The following COG6 variants were observed in gnomAD, a reference collection of about 807,000 sequenced individuals.
COG6 encodes the protein component of oligomeric golgi complex 6.
A neutral mutation model predicts 88.8 loss-of-function variants in COG6; 74 were observed. The ratio of observed to expected loss-of-function variants is 0.83; its 90% CI spans 0.69 to 1.01. The LOEUF (loss-of-function observed/expected upper bound fraction) is 1.01. COG6 is among the 50% of genes least tolerant of loss of function. The pLI, the probability that COG6 is intolerant of heterozygous loss-of-function variation, is 0.00. For missense variants in COG6, 800 were observed against 797.9 expected (o/e 1.00, Z -0.03); for synonymous variants, 286 against 278.7 (o/e 1.03, Z -0.26).
intron 7 of COG6, among the ~76,000 whole-genome samples, chr13:39,680,824 T>C (rs1329602864): frequency 6.6e-6 from 1 of 152,216 alleles, no homozygotes; most frequent in Non-Finnish European, 1.5e-5. Context: ...CTCATATCTC[T>C]AACTTTTCTG....
intron 4 of COG6, among the ~76,000 whole-genome samples, chr13:39,677,038 A>G (rs1876012414): frequency 6.6e-6 from 1 of 152,218 alleles, no homozygotes; most frequent in African/African-American, 2.4e-5. Context: ...GATTTTTGAT[A>G]TGTACGTCAT....
intron 15 of COG6, 47 bp downstream of exon 15, chr13:39,719,874 C>T: frequency 6.9e-7 from 1 of 1,443,760 alleles, no homozygotes. Flanking sequence ...GAATCTTTTT[C>T]TCTATGTGAT....
chr13:39,785,039 G>A (rs1442945058), intron 18 of COG6, among the ~76,000 whole-genome samples: 2 of 152,200 alleles, frequency 1.3e-5, no homozygotes, highest in Non-Finnish European at 2.9e-5. Flanking sequence ...CTTGATCATG[G>A]CCAACCGCAA....
At chr13:39,735,704 TC>T (rs1396753735) in intron 18 of COG6, among the ~76,000 whole-genome samples, 1 of 134,762 alleles carries the variant, frequency 7.4e-6, no homozygotes, top group Non-Finnish European at 1.6e-5. Flanking sequence ...GTTGATGAAG[TC>T]CTTTTTTTTT....
At chr13:39,746,009 C>G (rs1306505037) in intron 18 of COG6, among the ~76,000 whole-genome samples, 2 of 152,060 alleles carry the variant, frequency 1.3e-5, no homozygotes, top group Admixed American at 6.6e-5. Flanking sequence ...CACGTGTTCT[C>G]ACTCATAGGT....
intron 18 of COG6, among the ~76,000 whole-genome samples, chr13:39,779,357 T>C (rs1881560294): frequency 6.6e-6 from 1 of 152,184 alleles, no homozygotes; most frequent in Non-Finnish European, 1.5e-5. Flanking sequence ...GTCACGTGTG[T>C]CTCTTAAATC....
intron 18 of COG6, among the ~76,000 whole-genome samples, chr13:39,777,271 G>C (rs1012316334): frequency 3.3e-5 from 5 of 152,096 alleles, no homozygotes; most frequent in African/African-American, 1.2e-4. Flanking sequence ...GGAGCACAGA[G>C]GGGGGTGTCC....
chr13:39,692,382 A>G (rs1877030641), intron 11 of COG6, among the ~76,000 whole-genome samples: 1 of 151,984 alleles, frequency 6.6e-6, no homozygotes, highest in Non-Finnish European at 1.5e-5. Context: ...CTTTTAATAA[A>G]AACTTTAGTG....
At chr13:39,732,069 G>A (rs922781789) in intron 18 of COG6, among the ~76,000 whole-genome samples, 3 of 152,050 alleles carry the variant, frequency 2.0e-5, no homozygotes, top group African/African-American at 4.8e-5. Flanking sequence ...GATGGAGCCC[G>A]CCCCATTGAC....
At chr13:39,680,257 C>T (rs537232074) in intron 7 of COG6, among the ~76,000 whole-genome samples, 1 of 152,128 alleles carries the variant, frequency 6.6e-6, no homozygotes, top group African/African-American at 2.4e-5. Flanking sequence ...GAAAAACAAA[C>T]TTCACATTTG....
intron 13 of COG6, among the ~76,000 whole-genome samples, chr13:39,716,180 G>A (rs1013334063): frequency 3.9e-4 from 60 of 151,900 alleles, no homozygotes; most frequent in African/African-American, 1.4e-3. Flanking sequence ...TTTGTTGGGT[G>A]CATATATGTT....
At chr13:39,679,446 G>A (rs1253594223) in intron 5 of COG6, 92 bp from the exon 6 acceptor site, 2 of 766,650 alleles carry the variant, frequency 2.6e-6, no homozygotes, top group Non-Finnish European at 4.8e-6. Context: ...ATAGGTGAAA[G>A]AGTTTGTTTG....
intron 3 of COG6, among the ~76,000 whole-genome samples, chr13:39,662,370 A>G (rs1874957854): frequency 2.0e-5 from 3 of 151,750 alleles, no homozygotes; most frequent in Non-Finnish European, 4.4e-5. Flanking sequence ...CAAGTGATTC[A>G]CCTACCTCGG....
At chr13:39,657,966 T>C (rs1429849674) in intron 1 of COG6, among the ~76,000 whole-genome samples, 1 of 152,122 alleles carries the variant, frequency 6.6e-6, no homozygotes. Context: ...TGGGCGGAAC[T>C]CTTGATTTTT....
intron 18 of COG6, among the ~76,000 whole-genome samples, chr13:39,783,263 T>C (rs1269500041): frequency 1.3e-5 from 2 of 152,208 alleles, no homozygotes; most frequent in Non-Finnish European, 2.9e-5. Flanking sequence ...CTATGCCCTT[T>C]GTTAGGAAAT....
At chr13:39,668,217 CTG>C (rs1165441807) in intron 4 of COG6, among the ~76,000 whole-genome samples, 1 of 152,102 alleles carries the variant, frequency 6.6e-6, no homozygotes, top group Non-Finnish European at 1.5e-5. Flanking sequence ...AAGTAAGCAA[CTG>C]TGTTTTTTTG....
At chr13:39,719,910 T>C (rs1878759186) in intron 15 of COG6, 83 bp downstream of exon 15, 1 of 1,076,544 alleles carries the variant, frequency 9.3e-7, no homozygotes, top group Non-Finnish European at 1.4e-6. Context: ...GCTTAACTAG[T>C]TTTAATGACC....
intron 18 of COG6, 23 bp downstream of exon 18, chr13:39,727,571 A>AAT (rs1879204339): frequency 6.6e-7 from 1 of 1,518,060 alleles, no homozygotes; most frequent in African/African-American, 1.4e-5. Flanking sequence ...GGTCCCAAGT[A>AAT]GTTGGTAAAG....
intron 18 of COG6, among the ~76,000 whole-genome samples, chr13:39,758,669 G>GT (rs2138160869): frequency 6.6e-6 from 1 of 152,274 alleles, no homozygotes; most frequent in African/African-American, 2.4e-5. Context: ...GTGGAAAACA[G>GT]TTTAACAAAC....
Sources: gnomAD v4.1 joint callset for allele counts (sites outside exome capture counted in the v4.1 genomes callset) on GRCh38, gnomAD v4.1.1 for gene constraint, MANE v1.5 for transcripts, NCBI Gene and HGNC (gene_info 2026-07-23, HGNC 2026-07-21) for gene names.